PDE11A: variants seen among roughly 807,000 people sequenced by gnomAD.
PDE11A encodes the protein phosphodiesterase 11A.
In PDE11A, 100 loss-of-function variants were observed where a neutral mutation model predicts 100.5. That is an observed-to-expected ratio of 1.00 (90% CI 0.85 to 1.18). The LOEUF is 1.18. Among genes scored for constraint, PDE11A ranks in the 50% most tolerant of loss-of-function variants. The probability of loss-of-function intolerance (pLI) is 0.00; values close to 1 mark genes in which losing one functional copy is unlikely to be tolerated. For missense variants in PDE11A, 1,141 were observed against 1,152.6 expected (o/e 0.99, Z 0.15); for synonymous variants, 381 against 420.8 (o/e 0.91, Z 1.16).
chr2:177,691,535 C>T (rs1408228485), intron 15 of PDE11A, among the ~76,000 whole-genome samples: 1 of 152,198 alleles, frequency 6.6e-6, no homozygotes, highest in Non-Finnish European at 1.5e-5. Flanking sequence ...CCCTTGAGTA[C>T]TCTTGGACTG....
chr2:178,096,577 ACCCTAAATCATCTCTCTCAAGT>A (rs1389134402), intron 2 of PDE11A, among the ~76,000 whole-genome samples: 2 of 152,078 alleles, frequency 1.3e-5, no homozygotes, highest in African/African-American at 2.4e-5. Flanking sequence ...TCTACCAGAT[ACCCTAAATCATCTCTCTCAAGT>A]TCGAAGTCCC....
intron 4 of PDE11A, among the ~76,000 whole-genome samples, chr2:177,893,468 A>G (rs2084562618): frequency 6.6e-6 from 1 of 152,064 alleles, no homozygotes; most frequent in African/African-American, 2.4e-5. Context: ...CCGTTTTGGA[A>G]CCTAAAAACC....
chr2:177,695,275 G>T (rs1395543699), intron 15 of PDE11A, among the ~76,000 whole-genome samples: 1 of 151,996 alleles, frequency 6.6e-6, no homozygotes, highest in African/African-American at 2.4e-5. Flanking sequence ...TCAAGTAAGG[G>T]TATTTAGGAT....
intron 2 of PDE11A, among the ~76,000 whole-genome samples, chr2:177,990,710 CCTGGGTGACAGAGCGAGACTCTGT>C: frequency 6.6e-6 from 1 of 150,918 alleles, no homozygotes; most frequent in African/African-American, 2.4e-5. Context: ...TGCACTCCAG[CCTGGGTGACAGAGCGAGACTCTGT>C]CTCAAAAAAA....
chr2:177,985,529 C>T (rs55711453), intron 2 of PDE11A, among the ~76,000 whole-genome samples: 1 of 152,170 alleles, frequency 6.6e-6, no homozygotes, highest in Admixed American at 6.5e-5. Flanking sequence ...ATAATATTCT[C>T]TTCTCACTTG....
At chr2:177,722,225 T>C (rs1472751789) in intron 12 of PDE11A, among the ~76,000 whole-genome samples, 1 of 152,226 alleles carries the variant, frequency 6.6e-6, no homozygotes, top group African/African-American at 2.4e-5. Context: ...CAAGAGGTTA[T>C]ACTTTCCCTG....
chr2:177,852,773 C>T (rs1222398893), intron 5 of PDE11A, among the ~76,000 whole-genome samples: 1 of 152,158 alleles, frequency 6.6e-6, no homozygotes, highest in Non-Finnish European at 1.5e-5. Context: ...CCTGTCAGCT[C>T]TTACCCTGTG....
At chr2:177,861,591 A>G (rs1295499882) in intron 5 of PDE11A, among the ~76,000 whole-genome samples, 3 of 151,922 alleles carry the variant, frequency 2.0e-5, no homozygotes, top group African/African-American at 7.2e-5. Context: ...TAATATGGAC[A>G]TACAAGAGAC....
chr2:177,692,992 G>A (rs542268781), intron 15 of PDE11A, among the ~76,000 whole-genome samples: 77 of 152,298 alleles, frequency 5.1e-4, no homozygotes, highest in African/African-American at 1.8e-3. Context: ...CTTTCCTAGA[G>A]TGACTTTCTC....
At chr2:177,720,438 A>G (rs1448672922) in intron 12 of PDE11A, among the ~76,000 whole-genome samples, 1 of 152,166 alleles carries the variant, frequency 6.6e-6, no homozygotes, top group Non-Finnish European at 1.5e-5. Context: ...AATGGAGGGG[A>G]AAAAATCCCT....
At chr2:178,034,451 T>C (rs12992347) in intron 1 of PDE11A, among the ~76,000 whole-genome samples, 15,239 of 152,096 alleles carry the variant, frequency 0.1, 1,052 homozygotes, top group Non-Finnish European at 0.15. Flanking sequence ...CCACTGTCAA[T>C]ATTAGACAGA....
chr2:177,631,551 A>ATG (rs1559117428), intron 19 of PDE11A, among the ~76,000 whole-genome samples: 3 of 29,658 alleles, frequency 1.0e-4, no homozygotes, highest in African/African-American at 3.8e-4. Context: ...ATATATACAC[A>ATG]TGTATATATA....
chr2:177,786,039 T>A (rs1025988471), intron 9 of PDE11A, among the ~76,000 whole-genome samples: 3 of 152,136 alleles, frequency 2.0e-5, no homozygotes, highest in African/African-American at 7.2e-5. Flanking sequence ...GAGCAGTGGT[T>A]CTCCCAGCAC....
chr2:178,066,746 C>T (rs62185280), intron 1 of PDE11A, among the ~76,000 whole-genome samples: 49,249 of 152,108 alleles, frequency 0.32, 10,033 homozygotes, highest in East Asian at 0.55. Context: ...CCAGAGCTGG[C>T]AGCAGCATGG....
At chr2:177,727,961 G>T (rs1416423969) in intron 11 of PDE11A, 65 bp downstream of exon 11, 5 of 1,392,358 alleles carry the variant, frequency 3.6e-6, no homozygotes, top group South Asian at 2.3e-5. Flanking sequence ...GGAAACCAGT[G>T]GTTCAGAGTG....
chr2:177,992,082 T>C (rs1382112570), intron 2 of PDE11A, among the ~76,000 whole-genome samples: 1 of 151,364 alleles, frequency 6.6e-6, no homozygotes, highest in African/African-American at 2.4e-5. Flanking sequence ...TGCTTTTTTT[T>C]CTAATTCTAA....
chr2:177,999,340 C>T (rs71423538), intron 2 of PDE11A, among the ~76,000 whole-genome samples: 8,463 of 152,282 alleles, frequency 0.056, 298 homozygotes, highest in South Asian at 0.092. Flanking sequence ...TAACTGAAGA[C>T]TTATTCTGAT....
intron 6 of PDE11A, among the ~76,000 whole-genome samples, chr2:177,833,472 C>A (rs1187769620): frequency 6.6e-6 from 1 of 152,098 alleles, no homozygotes; most frequent in Admixed American, 6.6e-5. Context: ...GATGCTCTCC[C>A]CAAGAGGATG....
chr2:177,833,020 A>T (rs1045134294), intron 6 of PDE11A, among the ~76,000 whole-genome samples: 14 of 151,954 alleles, frequency 9.2e-5, no homozygotes, highest in African/African-American at 2.4e-4. Context: ...AGCTTTTTTT[A>T]AAAAAACTTT....
Sources: allele counts gnomAD v4.1 joint callset (sites outside exome capture counted in the v4.1 genomes callset), GRCh38; gene constraint gnomAD v4.1.1; transcripts MANE v1.5; gene names NCBI Gene and HGNC (gene_info 2026-07-23, HGNC 2026-07-21).